The following BORCS5 variants were observed in gnomAD, a reference collection of about 807,000 sequenced individuals.
BORCS5 encodes BLOC-1 related complex subunit 5, also known as BLOC-1-related complex subunit 5.
A neutral mutation model predicts 22.1 loss-of-function variants in BORCS5; 17 were observed. The ratio of observed to expected loss-of-function variants is 0.77; its 90% CI spans 0.53 to 1.15. The LOEUF (loss-of-function observed/expected upper bound fraction) is 1.15, where lower values mean the gene tolerates loss of function less well. Among genes scored for constraint, BORCS5 ranks in the 50% most tolerant of loss-of-function variants. The pLI, the probability that BORCS5 is intolerant of heterozygous loss-of-function variation, is 0.00. For synonymous variants in BORCS5, 117 were observed against 99.8 expected, an observed-to-expected ratio of 1.17 and a Z score of -1.03; for missense variants, 247 against 253.2, an observed-to-expected ratio of 0.98 and a Z score of 0.17.
intron 3 of BORCS5, among the ~76,000 whole-genome samples, chr12:12,442,979 G>T (rs558469841): frequency 6.6e-6 from 1 of 152,288 alleles, no homozygotes; most frequent in Non-Finnish European, 1.5e-5. Flanking sequence ...CAGGGAGAGA[G>T]ACTGATCCAG....
chr12:12,452,189 T>A, intron 3 of BORCS5: 1 of 592,274 alleles, frequency 1.7e-6, no homozygotes, highest in Non-Finnish European at 3.3e-6. Context: ...TCACATTTTT[T>A]ACAGCTGATA....
At chr12:12,391,387 A>G (rs1205965629) in intron 2 of BORCS5, among the ~76,000 whole-genome samples, 1 of 102,716 alleles carries the variant, frequency 9.7e-6, no homozygotes, top group East Asian at 2.1e-4. Flanking sequence ...TCAAGGGTCA[A>G]AATGACCTTT....
chr12:12,411,042 T>C (rs1038802697), intron 2 of BORCS5, among the ~76,000 whole-genome samples: 1 of 152,172 alleles, frequency 6.6e-6, no homozygotes, highest in Non-Finnish European at 1.5e-5. Flanking sequence ...TATTGGTGTA[T>C]AGGAATGCTT....
intron 1 of BORCS5, among the ~76,000 whole-genome samples, chr12:12,359,974 A>G (rs1592047874): frequency 6.6e-6 from 1 of 152,134 alleles, no homozygotes; most frequent in East Asian, 1.9e-4. Context: ...TCAAGATAGC[A>G]GGAGAATTAA....
At chr12:12,370,879 G>A (rs1025417347) in intron 2 of BORCS5, among the ~76,000 whole-genome samples, 1 of 151,892 alleles carries the variant, frequency 6.6e-6, no homozygotes, top group Non-Finnish European at 1.5e-5. Context: ...CTGCCGAGTA[G>A]CTGGGACTAC....
intron 3 of BORCS5, chr12:12,452,121 G>T: frequency 1.9e-6 from 1 of 528,968 alleles, no homozygotes; most frequent in Non-Finnish European, 3.7e-6. Context: ...AAGAGGGCAG[G>T]TTTGGCACTT....
At chr12:12,431,744 AGAGATG>A (rs1942434460) in intron 2 of BORCS5, among the ~76,000 whole-genome samples, 1 of 82,520 alleles carries the variant, frequency 1.2e-5, no homozygotes, top group East Asian at 2.4e-4. Context: ...TTGTTTTTTT[AGAGATG>A]GAGTTGGATC....
chr12:12,446,059 T>A (rs1942782367), intron 3 of BORCS5, among the ~76,000 whole-genome samples: 1 of 152,216 alleles, frequency 6.6e-6, no homozygotes, highest in African/African-American at 2.4e-5. Context: ...TGAGAACTTT[T>A]TACGCACATG....
At chr12:12,384,315 C>T (rs1377394688) in intron 2 of BORCS5, among the ~76,000 whole-genome samples, 1 of 150,350 alleles carries the variant, frequency 6.7e-6, no homozygotes, top group Non-Finnish European at 1.5e-5. Flanking sequence ...TTTCTGTCTC[C>T]TTATAGGGAA....
intron 1 of BORCS5, 115 bp downstream of exon 1, chr12:12,357,624 C>G (rs1863174260): frequency 8.7e-7 from 1 of 1,143,300 alleles, no homozygotes; most frequent in East Asian, 2.8e-5. Flanking sequence ...AAAGCCTTCA[C>G]CGTGCTAGTA....
chr12:12,357,129 G>A lies in BORCS5; in HGVS notation c.-323G>A. On this transcript the variant is annotated 5_prime_UTR_variant, in exon 1 of 4. Transcript: ENST00000314565. ...GCGGAGCGTGAACCAGTGAGTGAAA[G>A]CGGCGCCGCCCGCCGGCCGCAGGTG... The A allele has an allele frequency of 4.6e-6, 7 of 1,534,048 alleles. No homozygotes were observed. The highest frequency in any genetic ancestry group is 6.1e-6 in the Non-Finnish European group (7 of 1,146,048).
chr12:12,362,017 C>T (rs763076091), intron 2 of BORCS5, among the ~76,000 whole-genome samples: 4 of 152,172 alleles, frequency 2.6e-5, no homozygotes, highest in Non-Finnish European at 5.9e-5. Context: ...AAGAGTCCTT[C>T]AGTTCTCTCC....
At chr12:12,442,525 G>C (rs961392953) in intron 3 of BORCS5, among the ~76,000 whole-genome samples, 4 of 152,224 alleles carry the variant, frequency 2.6e-5, no homozygotes, top group Non-Finnish European at 4.4e-5. Flanking sequence ...AGGGGGTTCA[G>C]ATGAACTGGT....
intron 2 of BORCS5, among the ~76,000 whole-genome samples, chr12:12,369,131 A>G (rs1322036588): frequency 6.6e-6 from 1 of 152,158 alleles, no homozygotes; most frequent in Non-Finnish European, 1.5e-5. Flanking sequence ...TTAGGCATAT[A>G]TGCATTAAAT....
chr12:12,457,452 G>A (rs1292097314), intron 3 of BORCS5, among the ~76,000 whole-genome samples: 7 of 152,190 alleles, frequency 4.6e-5, no homozygotes, highest in Admixed American at 6.5e-5. Flanking sequence ...GGCGGATCAC[G>A]AGGTCAGGAG....
At chr12:12,432,995 A>G (rs758216524) in intron 2 of BORCS5, among the ~76,000 whole-genome samples, 14 of 152,264 alleles carry the variant, frequency 9.2e-5, no homozygotes, top group Middle Eastern at 3.4e-3. Flanking sequence ...GAACTTGTGT[A>G]TAGGAAAAAA....
At chr12:12,405,397 C>T (rs1941574344) in intron 2 of BORCS5, among the ~76,000 whole-genome samples, 1 of 152,190 alleles carries the variant, frequency 6.6e-6, no homozygotes, top group Non-Finnish European at 1.5e-5. Flanking sequence ...TATTATCTCC[C>T]TCAAGGTGCA....
chr12:12,422,313 T>G (rs575844659), intron 2 of BORCS5, among the ~76,000 whole-genome samples: 1 of 152,098 alleles, frequency 6.6e-6, no homozygotes, highest in Non-Finnish European at 1.5e-5. Flanking sequence ...GAAAACAAGT[T>G]TATTAAGAAA....
Position 12,465,815 on chromosome 12 carries a change from C to A in BORCS5, c.*39C>A, listed in dbSNP as rs1293477458. 3 of 1,545,668 alleles carry A rather than the reference C, an allele frequency of 1.9e-6. No individual in the cohort carries two copies. Among genetic ancestry groups the A allele is most frequent in the African/African-American group, 1.4e-5 (1 of 73,610 alleles). On this transcript the variant is annotated 3_prime_UTR_variant, in exon 4 of 4. Transcript: ENST00000314565. ...TGCCTGGGGCTGGGAGCCCCAGACA[C>A]CGACACCCTGAGGACGTGTGGAGCT... is the stretch of plus-strand genomic sequence containing the variant.
Sources: gnomAD v4.1 joint callset for allele counts (sites outside exome capture counted in the v4.1 genomes callset) on GRCh38, gnomAD v4.1.1 for gene constraint, MANE v1.5 for transcripts, NCBI Gene and HGNC (gene_info 2026-07-23, HGNC 2026-07-21) for gene names.